Variants in HSP90AA1 observed in about 807,000 individuals in gnomAD.
The protein encoded by HSP90AA1 is heat shock protein 90 alpha family class A member 1.
Under a neutral mutation model 73.3 loss-of-function variants are expected in HSP90AA1, and 18 were observed. The ratio of observed to expected loss-of-function variants is 0.25; its 90% CI spans 0.17 to 0.36. The LOEUF (loss-of-function observed/expected upper bound fraction) is 0.36, where lower values mean the gene tolerates loss of function less well. Ranked by LOEUF, HSP90AA1 falls within the 10% of genes least tolerant of loss-of-function variation. The probability of loss-of-function intolerance (pLI) is 1.00; values close to 1 mark genes in which losing one functional copy is unlikely to be tolerated. For synonymous variants in HSP90AA1, 477 were observed against 296.9 expected (o/e 1.61, Z -6.24); for missense variants, 704 against 874.2 (o/e 0.81, Z 2.45).
intron 1 of HSP90AA1, among the ~76,000 whole-genome samples, chr14:102,113,337 GCTTT>G (rs2049665494): frequency 6.7e-6 from 1 of 148,302 alleles, no homozygotes; most frequent in Admixed American, 6.7e-5. Flanking sequence ...TTGCTTGCTT[GCTTT>G]CTCTCTCTCT....
chr14:102,085,462 T>TA (rs72520877), intron 3 of HSP90AA1, 31 bp from the exon 4 acceptor site: 4 of 1,599,030 alleles, frequency 2.5e-6, no homozygotes, highest in Non-Finnish European at 2.6e-6. Flanking sequence ...ATTGACTTAA[T>TA]ACATTCAATT....
chr14:102,083,233 A>G lies in HSP90AA1; in HGVS notation c.1556T>C (p.Ile519Thr). Residue 519 changes from isoleucine (I) to threonine (T), a missense_variant, in exon 9 of 11, where the codon ATC (isoleucine) becomes ACC (threonine). Transcript: ENST00000216281. ...CTCATCAATGGGCTCAATCATATAG[A>G]TCACTTCTAAGCCATGTTTCCGAAG... ...ERLRKHGLEVIYMIEPIDEYC... is the reference protein window; with the variant it reads ...ERLRKHGLEVTYMIEPIDEYC... 1.9e-6 allele frequency: 3 copies of G among 1,614,142 alleles called. No homozygotes were observed. Among genetic ancestry groups the G allele is most frequent in the Non-Finnish European group, 2.5e-6 (3 of 1,180,000 alleles).
intron 1 of HSP90AA1, among the ~76,000 whole-genome samples, chr14:102,107,545 G>A (rs978145544): frequency 6.6e-5 from 10 of 151,958 alleles, no homozygotes; most frequent in East Asian, 5.8e-4. Flanking sequence ...GGATGGTCTC[G>A]ATCTCTTGAC....
chr14:102,139,601 T>A (rs2050204930), exon 1 of HSP90AA1: 3 of 674,486 alleles, frequency 4.4e-6, no homozygotes, highest in Non-Finnish European at 2.5e-6. Flanking sequence ...CCGCTGGCCC[T>A]GGCGGCTGCG....
intron 3 of HSP90AA1, 36 bp downstream of exon 3, chr14:102,085,722 A>T (rs2152612753): frequency 6.2e-7 from 1 of 1,613,712 alleles, no homozygotes; most frequent in African/African-American, 1.3e-5. Context: ...CCACCCTTCC[A>T]CCGCTCACTT....
At position 102,101,942 on chromosome 14, in the gene HSP90AA1, C is replaced by G. The variant is rs1327365130; in HGVS notation, c.299G>C (p.Arg100Thr). 1.9e-6 allele frequency: 3 copies of G among 1,614,090 alleles called. No homozygotes were observed. The African/African-American group carries it at 4.0e-5, about 22-fold the overall frequency. The change falls in exon 2 of 12, where the codon AGA becomes ACA. Residue 100 changes from arginine (R) to threonine (T), a missense_variant. Transcript: ENST00000334701. ...GTGTTGCCCTGCACCTTGGCTCTGT[C>G]TGAAGGCCAGTGACGCGGTGACAGG...
rs564000533 is a variant in HSP90AA1 at position 102,113,737 on chromosome 14, G to A, written c.156-11652C>T. ...ATTTATTTGTTTATTTTGAGACGGA[G>A]TCTCGCTCTGTCGCCCAGGCTGGAG... On this transcript the variant is annotated intron_variant, in intron 1 of 11. Coordinates refer to the HSP90AA1 transcript ENST00000334701. Among the ~76,000 whole-genome samples the A allele has an allele frequency of 2.0e-5, 3 of 151,832 alleles. No homozygotes were observed. In the South Asian group the frequency reaches 6.2e-4, roughly 32 times the overall value.
At chr14:102,083,518 G>GT (rs1295320341) in intron 8 of HSP90AA1, 28 bp downstream of exon 8, 2 of 1,607,430 alleles carry the variant, frequency 1.2e-6, no homozygotes, top group South Asian at 2.2e-5. Context: ...AGAACGACGT[G>GT]TATGACTGTA....
rs778539298 is a variant in HSP90AA1 at position 102,083,591 on chromosome 14, A to C, written c.1441T>G (p.Cys481Gly). Residue 481 changes from cysteine (C) to glycine (G), a missense_variant, in exon 8 of 11, where the codon TGC becomes GGC. Coordinates refer to ENST00000216281, the MANE Select transcript of HSP90AA1 (RefSeq NM_005348.4). The part of the protein sequence containing the change: ...GDEMVSLKDY[C>G]TRMKENQKHI... ...TTCTGGTTCTCCTTCATTCTGGTGC[A>C]GTAGTCCTTGAGAGAAACCATCTCA... is the stretch of plus-strand genomic sequence containing the variant. 9 of 1,613,902 alleles carry C rather than the reference A, an allele frequency of 5.6e-6. No individual in the cohort carries two copies. The South Asian group carries it at 9.9e-5, about 18-fold the overall frequency.
Position 102,083,163 on chromosome 14 carries a change from C to T in HSP90AA1, c.1626G>A (p.Val542=). 1 of 1,614,016 alleles carries T rather than the reference C, an allele frequency of 6.2e-7. No homozygotes were observed. The highest frequency in any genetic ancestry group is 8.5e-7 in the Non-Finnish European group (1 of 1,179,938). The change falls in exon 9 of 11, where the codon GTG becomes GTA. Residue 542 remains valine, a synonymous_variant. Coordinates refer to ENST00000216281, the MANE Select transcript of HSP90AA1 (RefSeq NM_005348.4). ...QLKEFEGKTL[V]SVTKEGLELP... is the part of the protein sequence containing the mutation. ...GTTCCAGGCCTTCTTTGGTGACTGACACTAAAGTCTTCCCCTCAAATTCCT... is the reference window on the plus strand; with the variant it reads ...GTTCCAGGCCTTCTTTGGTGACTGATACTAAAGTCTTCCCCTCAAATTCCT...
chr14:102,122,611 G>A (rs930467732), intron 1 of HSP90AA1, among the ~76,000 whole-genome samples: 3 of 150,564 alleles, frequency 2.0e-5, no homozygotes, highest in African/African-American at 7.3e-5. Context: ...ATTAATATTT[G>A]GGAGGCAAGT....
chr14:102,099,247 AT>A (rs1416224095), intron 2 of HSP90AA1, among the ~76,000 whole-genome samples: 3 of 152,252 alleles, frequency 2.0e-5, no homozygotes, highest in Non-Finnish European at 4.4e-5. Flanking sequence ...CTTTTCAACA[AT>A]TTTGTATTTC....
chr14:102,110,180 G>A (rs569049528), intron 1 of HSP90AA1, among the ~76,000 whole-genome samples: 1 of 152,204 alleles, frequency 6.6e-6, no homozygotes, highest in East Asian at 1.9e-4. Flanking sequence ...TGATCCACCT[G>A]CCTTGGCCTC....
upstream of HSP90AA1, among the ~76,000 whole-genome samples, chr14:102,087,409 G>C (rs1003183009): frequency 1.3e-5 from 2 of 151,642 alleles, no homozygotes; most frequent in South Asian, 2.1e-4. Context: ...CGGAGGGCAC[G>C]CCCGGGCGTG....
At position 102,082,808 on chromosome 14, in the gene HSP90AA1, G is replaced by A. The variant is rs976862813; in HGVS notation, c.1755+226C>T. 7 of 552,482 alleles carry A rather than the reference G, an allele frequency of 1.3e-5. No individual in the cohort carries two copies. The Admixed American group carries it at 1.8e-4, about 15-fold the overall frequency. The allele number at this position is 552,482 out of a possible 1,614,324, so 34.2% of individuals were successfully genotyped here. ...TTTATTTTTTTCTATTTTTAGTAGAGACTGAGTTTCACCGTGTTAGCCAGG... is the reference window on the plus strand; with the variant it reads ...TTTATTTTTTTCTATTTTTAGTAGAAACTGAGTTTCACCGTGTTAGCCAGG... On this transcript the variant is annotated intron_variant, in intron 9 of 10. Coordinates refer to ENST00000216281, the MANE Select transcript of HSP90AA1 (RefSeq NM_005348.4).
intron 1 of HSP90AA1, among the ~76,000 whole-genome samples, chr14:102,136,837 G>A (rs1400545266): frequency 3.3e-5 from 5 of 150,708 alleles, no homozygotes; most frequent in Admixed American, 2.7e-4. Flanking sequence ...GCAGTGAGTC[G>A]AGATTGAGCC....
Position 102,085,740 on chromosome 14 carries a change from G to A in HSP90AA1, c.529+18C>T, listed in dbSNP as rs189235249. ...CCCTTCCACCGCTCACTTAACCAGTGAATGTTCAGGTGCCTACCTGTGTCT... is the reference window on the plus strand; with the variant it reads ...CCCTTCCACCGCTCACTTAACCAGTAAATGTTCAGGTGCCTACCTGTGTCT... On this transcript the variant is annotated intron_variant, in intron 3 of 10. Coordinates refer to ENST00000216281, the MANE Select transcript of HSP90AA1 (RefSeq NM_005348.4). 4 of 1,613,932 alleles carry A rather than the reference G, an allele frequency of 2.5e-6. No homozygotes were observed. The highest frequency in any genetic ancestry group is 1.3e-5 in the African/African-American group (1 of 75,052).
intron 2 of HSP90AA1, among the ~76,000 whole-genome samples, chr14:102,098,772 T>C (rs936259955): frequency 6.6e-6 from 1 of 152,084 alleles, no homozygotes. Context: ...CTTGGCTCAC[T>C]GTAACCTCCG....
At chr14:102,125,231 T>A (rs1388086087) in intron 1 of HSP90AA1, among the ~76,000 whole-genome samples, 2 of 152,118 alleles carry the variant, frequency 1.3e-5, no homozygotes, top group African/African-American at 4.8e-5. Context: ...TGGGCTGAAG[T>A]GATCCGACTG....
Sources: allele counts gnomAD v4.1 joint callset (sites outside exome capture counted in the v4.1 genomes callset), GRCh38; gene constraint gnomAD v4.1.1; transcripts MANE v1.5; gene names NCBI Gene and HGNC (gene_info 2026-07-23, HGNC 2026-07-21).